NBN: variants seen among roughly 807,000 people sequenced by gnomAD.
The protein encoded by NBN is nibrin, also known as Nijmegen breakage syndrome 1 (nibrin).
Under a neutral mutation model 90.8 loss-of-function variants are expected in NBN, and 88 were observed. That is an observed-to-expected ratio of 0.97 (90% CI 0.82 to 1.16). The LOEUF (loss-of-function observed/expected upper bound fraction) is 1.16, where lower values mean the gene tolerates loss of function less well. Among genes scored for constraint, NBN ranks in the 50% most tolerant of loss-of-function variants. NBN has a pLI of 0.00. For synonymous variants in NBN, 328 were observed against 295.1 expected, an observed-to-expected ratio of 1.11 and a Z score of -1.14; for missense variants, 894 against 869.6, an observed-to-expected ratio of 1.03 and a Z score of -0.35.
At chr8:89,956,987 C>T (rs982878741) in intron 9 of NBN, among the ~76,000 whole-genome samples, 1 of 152,166 alleles carries the variant, frequency 6.6e-6, no homozygotes, top group Admixed American at 6.5e-5. Flanking sequence ...TATAGCACAA[C>T]AGCACATACA....
chr8:89,973,339 A>C (rs1811598343), intron 5 of NBN, among the ~76,000 whole-genome samples: 1 of 152,258 alleles, frequency 6.6e-6, no homozygotes, highest in African/African-American at 2.4e-5. Flanking sequence ...TTAAGTATTA[A>C]AATTCTAGAA....
chr8:89,981,824 GTC>G lies in NBN; in HGVS notation c.172-303_172-302del, dbSNP rs13312857. The G allele has an allele frequency of 7.9e-3, 4,465 of 562,412 alleles. 160 individuals are homozygous for G. Among genetic ancestry groups the G allele is most frequent in the African/African-American group, 0.077 (3,981 of 51,618 alleles). 34.8% of individuals were successfully genotyped at this position (562,412 alleles called of 1,614,324 possible). On this transcript the variant is annotated intron_variant, in intron 2 of 15. Coordinates refer to ENST00000265433, the MANE Select transcript of NBN (RefSeq NM_002485.5). The stretch of plus-strand genomic sequence containing the variant: ...TTTGAGAATTTTTTGCTTTGGTGCA[GTC>G]TGTTTCATTTAAAACATGACAATTT...
intron 5 of NBN, among the ~76,000 whole-genome samples, chr8:89,972,824 G>T (rs1811577870): frequency 6.6e-6 from 1 of 152,212 alleles, no homozygotes; most frequent in Non-Finnish European, 1.5e-5. Flanking sequence ...ATATGACTGT[G>T]TGTTACAGTC....
At chr8:89,984,427 G>C in intron 1 of NBN, 98 bp downstream of exon 1, 1 of 1,152,076 alleles carries the variant, frequency 8.7e-7, no homozygotes, top group Non-Finnish European at 1.3e-6. Context: ...CAGCGTCCCC[G>C]GGCAGGAACG....
At chr8:89,937,655 T>C (rs1481499393) in intron 14 of NBN, among the ~76,000 whole-genome samples, 2 of 152,180 alleles carry the variant, frequency 1.3e-5, no homozygotes, top group Non-Finnish European at 2.9e-5. Flanking sequence ...CATATGCAAT[T>C]TGAAACCCTT....
chr8:89,968,526 T>C (rs1395366505), intron 7 of NBN, among the ~76,000 whole-genome samples: 2 of 152,152 alleles, frequency 1.3e-5, no homozygotes, highest in African/African-American at 4.8e-5. Flanking sequence ...CAGTAAATAA[T>C]ATATAGGTTG....
chr8:89,948,340 G>A (rs138493522), intron 11 of NBN, among the ~76,000 whole-genome samples: 291 of 152,212 alleles, frequency 1.9e-3, no homozygotes, highest in Middle Eastern at 6.8e-3. Context: ...CTGTACGATC[G>A]TGTATTACTT....
At chr8:89,966,877 A>ATTT (rs1169901633) in intron 7 of NBN, among the ~76,000 whole-genome samples, 15 of 152,246 alleles carry the variant, frequency 9.9e-5, no homozygotes, top group African/African-American at 3.1e-4. Flanking sequence ...AAGTGCATGT[A>ATTT]ACTTTGGTAT....
At chr8:89,951,758 T>TA (rs11457141) in intron 11 of NBN, among the ~76,000 whole-genome samples, 49,656 of 149,084 alleles carry the variant, frequency 0.33, 8,119 homozygotes, top group East Asian at 0.45. Flanking sequence ...TCCTTCACAA[T>TA]AAAAAAAAAA....
At position 89,982,778 on chromosome 8, in the gene NBN, GA is replaced by G. The variant is rs765299838; in HGVS notation, c.114del (p.Gln39SerfsTer10). 6.2e-7 allele frequency: 1 copy of G among 1,613,854 alleles called. No homozygotes were observed. The highest frequency in any genetic ancestry group is 8.5e-7 in the Non-Finnish European group (1 of 1,179,838). On this transcript the variant is annotated frameshift_variant, in exon 2 of 16. Transcript: ENST00000265433. LOFTEE classifies it high-confidence loss of function. ...RKNCAILIEN[D>X]QSISRNHAVL... ...ACAGCATGATTTCGGCTGATCGACTGATCATTTTCAATCAGAATGGCACAGT... is the reference window on the plus strand; with the variant it reads ...ACAGCATGATTTCGGCTGATCGACTGTCATTTTCAATCAGAATGGCACAGT...
chr8:89,935,739 G>T, intron 15 of NBN, 127 bp from the exon 16 acceptor site: 3 of 1,126,022 alleles, frequency 2.7e-6, no homozygotes, highest in Non-Finnish European at 3.9e-6. Context: ...TTGTCCTTAG[G>T]ATCAGATACT....
intron 4 of NBN, among the ~76,000 whole-genome samples, chr8:89,979,384 T>G (rs746962184): frequency 2.0e-5 from 3 of 152,204 alleles, no homozygotes; most frequent in African/African-American, 7.2e-5. Context: ...CTTTCCAATG[T>G]GAAAGAAATA....
intron 7 of NBN, among the ~76,000 whole-genome samples, chr8:89,969,125 C>T (rs1272085158): frequency 2.6e-5 from 4 of 152,208 alleles, no homozygotes; most frequent in Non-Finnish European, 5.9e-5. Context: ...CATATAAACA[C>T]TTTAGTCCTC....
intron 2 of NBN, 105 bp from the exon 3 acceptor site, chr8:89,981,628 C>A: frequency 8.6e-7 from 1 of 1,165,740 alleles, no homozygotes; most frequent in Admixed American, 2.1e-5. Context: ...GCTAACCTCC[C>A]AACACGGCAG....
Position 89,984,661 on chromosome 8 carries a change from C to T in NBN, c.-100G>A. The T allele has an allele frequency of 6.5e-7, 1 of 1,541,506 alleles. No homozygotes were observed. The highest frequency in any genetic ancestry group is 1.2e-5 in the South Asian group (1 of 85,194). On this transcript the variant is annotated 5_prime_UTR_variant, in exon 1 of 16. Transcript: ENST00000265433. ...CCTGCGGTCGGCATGGGCTCCGGGACGTGCGCGCTCCCGGGAGCCACGCAG... is the reference window on the plus strand; with the variant it reads ...CCTGCGGTCGGCATGGGCTCCGGGATGTGCGCGCTCCCGGGAGCCACGCAG...
intron 11 of NBN, among the ~76,000 whole-genome samples, chr8:89,950,083 G>A (rs1311984745): frequency 6.6e-6 from 1 of 152,118 alleles, no homozygotes; most frequent in Non-Finnish European, 1.5e-5. Context: ...ACAAACAATT[G>A]TCTCAAACAG....
At chr8:89,941,893 C>G (rs947920188) in intron 14 of NBN, among the ~76,000 whole-genome samples, 1 of 151,998 alleles carries the variant, frequency 6.6e-6, no homozygotes, top group African/African-American at 2.4e-5. Flanking sequence ...CCTAAATAAC[C>G]CTTATTTTAA....
chr8:89,967,640 AAG>A (rs1377791350), intron 7 of NBN, among the ~76,000 whole-genome samples: 1 of 152,202 alleles, frequency 6.6e-6, no homozygotes, highest in Non-Finnish European at 1.5e-5. Flanking sequence ...TAATAACAGG[AAG>A]AGTTACCAAA....
chr8:89,974,053 T>C (rs1490162662), intron 5 of NBN, among the ~76,000 whole-genome samples: 2 of 152,242 alleles, frequency 1.3e-5, no homozygotes, highest in Non-Finnish European at 2.9e-5. Context: ...ATAAATTTCA[T>C]CTAACCTACA....
Sources: gnomAD v4.1 joint callset for allele counts (sites outside exome capture counted in the v4.1 genomes callset) on GRCh38, gnomAD v4.1.1 for gene constraint, MANE v1.5 for transcripts, NCBI Gene and HGNC (gene_info 2026-07-23, HGNC 2026-07-21) for gene names.